Variants in CORIN observed in about 807,000 individuals in gnomAD.
CORIN encodes the protein atrial natriuretic peptide-converting enzyme.
CORIN carries 117 observed loss-of-function variants against 125.3 expected under a neutral mutation model. That is an observed-to-expected ratio of 0.93 (90% CI 0.80 to 1.09). The LOEUF (loss-of-function observed/expected upper bound fraction) is 1.09, where lower values mean the gene tolerates loss of function less well. CORIN is among the 50% of genes least tolerant of loss of function. The pLI is 0.00. For synonymous variants in CORIN, 450 were observed against 466.4 expected (o/e 0.96, Z 0.45); for missense variants, 1,253 against 1,306.7 (o/e 0.96, Z 0.63).
intron 10 of CORIN, among the ~76,000 whole-genome samples, chr4:47,674,148 T>A (rs189705365): frequency 6.6e-6 from 1 of 152,304 alleles, no homozygotes; most frequent in Admixed American, 6.5e-5. Flanking sequence ...TTGAAAGTAA[T>A]GGTAATGATA....
intron 5 of CORIN, among the ~76,000 whole-genome samples, chr4:47,735,703 G>A (rs1021185809): frequency 2.6e-5 from 4 of 152,056 alleles, no homozygotes; most frequent in South Asian, 2.1e-4. Flanking sequence ...GGCGGATCAC[G>A]AGGTCAGGAG....
chr4:47,657,743 T>A (rs1429460760), intron 12 of CORIN, among the ~76,000 whole-genome samples: 1 of 148,360 alleles, frequency 6.7e-6, no homozygotes, highest in African/African-American at 2.5e-5. Context: ...AGAGAGAGAG[T>A]TGGAAGGAGG....
intron 19 of CORIN, among the ~76,000 whole-genome samples, chr4:47,618,877 T>C (rs1722189991): frequency 6.6e-6 from 1 of 151,114 alleles, no homozygotes; most frequent in African/African-American, 2.4e-5. Context: ...TGGACTGAGA[T>C]ACTAGGGCAG....
At chr4:47,678,842 G>A (rs959738555) in intron 8 of CORIN, among the ~76,000 whole-genome samples, 1 of 152,142 alleles carries the variant, frequency 6.6e-6, no homozygotes, top group African/African-American at 2.4e-5. Context: ...TGAGCACCAT[G>A]TCCTTGCTTC....
At chr4:47,786,962 T>C (rs1339550233) in intron 2 of CORIN, 37 bp from the exon 3 acceptor site, 2 of 1,390,476 alleles carry the variant, frequency 1.4e-6, no homozygotes, top group Non-Finnish European at 2.0e-6. Flanking sequence ...AAACCTATCT[T>C]TGAAACATTA....
At chr4:47,676,079 G>T (rs1231094427) in intron 9 of CORIN, among the ~76,000 whole-genome samples, 1 of 152,082 alleles carries the variant, frequency 6.6e-6, no homozygotes, top group African/African-American at 2.4e-5. Context: ...TAGACAGATA[G>T]GCAGGGACAG....
In CORIN at chr4:47,643,212, C is replaced by T; in HGVS notation, c.2002G>A (p.Val668Met). The T allele has an allele frequency of 6.2e-7, 1 of 1,613,884 alleles. No individual in the cohort carries two copies. Residue 668 changes from valine (V) to methionine (M), a missense_variant, in exon 15 of 22, where the codon GTG becomes ATG. Transcript: ENST00000273857. ...DELECANHAC[V>M]SRDLWCDGEA... ...CCATCACACCACAGGTCACGTGACACACACGCATGGTTTGCACATTCCAGC... is the reference window on the plus strand; with the variant it reads ...CCATCACACCACAGGTCACGTGACATACACGCATGGTTTGCACATTCCAGC...
chr4:47,787,685 T>C (rs913959117), intron 2 of CORIN, among the ~76,000 whole-genome samples: 8 of 152,350 alleles, frequency 5.3e-5, no homozygotes, highest in African/African-American at 1.9e-4. Flanking sequence ...AGTTCCTTAG[T>C]GGTGATTTGT....
chr4:47,675,343 A>G, intron 9 of CORIN, among the ~76,000 whole-genome samples: 1 of 152,140 alleles, frequency 6.6e-6, no homozygotes, highest in East Asian at 1.9e-4. Context: ...AATCATTCTT[A>G]CCTATAATTC....
intron 19 of CORIN, among the ~76,000 whole-genome samples, chr4:47,607,190 C>T (rs116496762): frequency 1.1e-3 from 173 of 151,704 alleles, no homozygotes; most frequent in Admixed American, 2.0e-3. Context: ...AGGCAGATCA[C>T]GAGGTCAGGA....
At position 47,623,940 on chromosome 4, in the gene CORIN, C is replaced by A; in HGVS notation, c.2324G>T (p.Cys775Phe). 1 of 1,613,378 alleles carries A rather than the reference C, an allele frequency of 6.2e-7. No individual in the cohort carries two copies. ...AAGAGAAATTTTACTTCTGCTCTCA[C>A]AAGACTGCCTGGATTTGGAAACATA... The part of the protein sequence containing the change: ...LHELLVNGQS[C>F]ESRSKISLLC... Residue 775 changes from cysteine (C) to phenylalanine (F), a missense_variant, in exon 18 of 22, where the codon TGT becomes TTT. Cys to Phe is a radical substitution (Grantham distance 205, BLOSUM62 -2). Coordinates refer to ENST00000273857, the MANE Select transcript of CORIN (RefSeq NM_006587.4).
chr4:47,784,198 A>G (rs1157634610), intron 3 of CORIN, among the ~76,000 whole-genome samples: 2 of 152,212 alleles, frequency 1.3e-5, no homozygotes, highest in Admixed American at 6.5e-5. Flanking sequence ...TAAAAGTTCT[A>G]TAATCACAGG....
chr4:47,688,587 G>A (rs1443670978), intron 6 of CORIN, among the ~76,000 whole-genome samples: 1 of 152,128 alleles, frequency 6.6e-6, no homozygotes, highest in African/African-American at 2.4e-5. Context: ...GGGTGACAGA[G>A]TGAGACTCCA....
chr4:47,825,753 T>C (rs976341600), intron 1 of CORIN, among the ~76,000 whole-genome samples: 22 of 148,532 alleles, frequency 1.5e-4, no homozygotes, highest in Non-Finnish European at 2.7e-4. Flanking sequence ...CAGGCTGGAG[T>C]GCAGTGGCGT....
chr4:47,802,473 C>T (rs1013888974), intron 2 of CORIN, among the ~76,000 whole-genome samples: 14 of 152,080 alleles, frequency 9.2e-5, no homozygotes, highest in African/African-American at 3.4e-4. Flanking sequence ...GGTGGCCTGG[C>T]AAAAGCCCCC....
At chr4:47,676,354 T>G (rs1725016728) in intron 9 of CORIN, among the ~76,000 whole-genome samples, 1 of 152,210 alleles carries the variant, frequency 6.6e-6, no homozygotes, top group Non-Finnish European at 1.5e-5. Context: ...TCAATTGCTT[T>G]TTCAAGCCCC....
At chr4:47,795,313 C>T (rs1731247032) in intron 2 of CORIN, among the ~76,000 whole-genome samples, 1 of 152,046 alleles carries the variant, frequency 6.6e-6, no homozygotes, top group Non-Finnish European at 1.5e-5. Context: ...ATTGTTTTAT[C>T]TGAAAAATGC....
At chr4:47,831,216 TTTG>T (rs1732978831) in intron 1 of CORIN, among the ~76,000 whole-genome samples, 2 of 152,182 alleles carry the variant, frequency 1.3e-5, no homozygotes, top group Non-Finnish European at 2.9e-5. Flanking sequence ...GCTCTGATGG[TTTG>T]GACATGTAGA....
chr4:47,683,030 T>A (rs1006723329), intron 7 of CORIN: 3 of 152,234 alleles, frequency 2.0e-5, no homozygotes, highest in African/African-American at 4.8e-5. Flanking sequence ...CCAGGGTGTA[T>A]CCTCATCCCA....
Sources: allele counts gnomAD v4.1 joint callset (sites outside exome capture counted in the v4.1 genomes callset), GRCh38; gene constraint gnomAD v4.1.1; transcripts MANE v1.5; gene names NCBI Gene and HGNC (gene_info 2026-07-23, HGNC 2026-07-21).